The following TYW1B variants were observed in gnomAD, a reference collection of about 807,000 sequenced individuals.
The protein encoded by TYW1B is S-adenosyl-L-methionine-dependent tRNA 4-demethylwyosine synthase TYW1B.
Under a neutral mutation model 86.9 loss-of-function variants are expected in TYW1B, and 73 were observed. The ratio of observed to expected loss-of-function variants is 0.84; its 90% CI spans 0.70 to 1.02. The LOEUF is 1.02. TYW1B is among the 50% of genes least tolerant of loss of function. TYW1B has a pLI of 0.00. For synonymous variants in TYW1B, 248 were observed against 292.8 expected, an observed-to-expected ratio of 0.85 and a Z score of 1.56; for missense variants, 637 against 827.4, an observed-to-expected ratio of 0.77 and a Z score of 2.82.
chr7:72,753,501 G>A (rs1203489804), intron 7 of TYW1B, among the ~76,000 whole-genome samples: 3 of 109,164 alleles, frequency 2.7e-5, no homozygotes, highest in African/African-American at 1.2e-4. Context: ...TTTTTTTTGA[G>A]ACAGAATCTT....
intron 7 of TYW1B, among the ~76,000 whole-genome samples, chr7:72,767,566 C>T (rs570665768): frequency 6.6e-6 from 1 of 152,028 alleles, no homozygotes; most frequent in Non-Finnish European, 1.5e-5. Context: ...GCTGAGATCA[C>T]ACCACTGCAC....
chr7:72,782,479 G>GAT (rs2129572118), intron 6 of TYW1B, among the ~76,000 whole-genome samples: 1 of 151,432 alleles, frequency 6.6e-6, no homozygotes, highest in East Asian at 1.9e-4. Context: ...CAACAAACAA[G>GAT]CTTTTTCTTA....
intron 13 of TYW1B, among the ~76,000 whole-genome samples, chr7:72,592,155 T>C: frequency 8.5e-6 from 1 of 117,178 alleles, no homozygotes; most frequent in Admixed American, 9.8e-5. Context: ...AACACACTAA[T>C]GTGTTAAAAA....
At chr7:72,719,653 AG>A (rs1164821617) in intron 9 of TYW1B, among the ~76,000 whole-genome samples, 12 of 149,160 alleles carry the variant, frequency 8.0e-5, no homozygotes, top group African/African-American at 2.5e-4. Flanking sequence ...AAAAAAAAAA[AG>A]AAGGTGATAG....
intron 7 of TYW1B, among the ~76,000 whole-genome samples, chr7:72,745,475 T>A (rs1269767679): frequency 6.6e-6 from 1 of 152,088 alleles, no homozygotes; most frequent in Non-Finnish European, 1.5e-5. Context: ...ATGTAGTAAG[T>A]AGGTAATCTA....
At chr7:72,631,895 G>A (rs1281587771) in intron 11 of TYW1B, among the ~76,000 whole-genome samples, 10 of 152,144 alleles carry the variant, frequency 6.6e-5, no homozygotes, top group Non-Finnish European at 1.3e-4. Flanking sequence ...GTGGAATCTA[G>A]AACCAAGCCT....
At chr7:72,731,098 G>C (rs2129571067) in intron 8 of TYW1B, among the ~76,000 whole-genome samples, 1 of 127,492 alleles carries the variant, frequency 7.8e-6, no homozygotes, top group Non-Finnish European at 1.6e-5. Context: ...GGCCAGGAGA[G>C]AATGGGATGA....
intron 12 of TYW1B, among the ~76,000 whole-genome samples, chr7:72,627,404 C>T (rs1207667519): frequency 4.0e-5 from 6 of 151,836 alleles, no homozygotes; most frequent in African/African-American, 1.2e-4. Flanking sequence ...GCCGAGATCA[C>T]GCCACTGTAC....
At chr7:72,592,142 G>A (rs1177253394) in intron 13 of TYW1B, among the ~76,000 whole-genome samples, 1 of 105,302 alleles carries the variant, frequency 9.5e-6, no homozygotes, top group Non-Finnish European at 1.8e-5. Context: ...TGTTTTCTAT[G>A]TTAACACACT....
At chr7:72,625,899 G>GGC (rs1432032673) in intron 12 of TYW1B, among the ~76,000 whole-genome samples, 1 of 83,172 alleles carries the variant, frequency 1.2e-5, no homozygotes, top group African/African-American at 4.3e-5. Flanking sequence ...GGTGGGGCGG[G>GGC]GGGGGGGGAA....
intron 9 of TYW1B, among the ~76,000 whole-genome samples, chr7:72,727,489 C>T (rs1427365556): frequency 2.0e-5 from 3 of 152,078 alleles, no homozygotes; most frequent in Non-Finnish European, 4.4e-5. Flanking sequence ...AAAGCGTGGT[C>T]CCCAGTTGAA....
At chr7:72,752,853 T>A (rs1448519873) in intron 7 of TYW1B, among the ~76,000 whole-genome samples, 1 of 152,108 alleles carries the variant, frequency 6.6e-6, no homozygotes, top group South Asian at 2.1e-4. Context: ...AATTTAAAAA[T>A]AAGACACAGG....
intron 2 of TYW1B, among the ~76,000 whole-genome samples, chr7:72,817,704 C>T (rs1788750311): frequency 6.6e-6 from 1 of 152,068 alleles, no homozygotes; most frequent in African/African-American, 2.4e-5. Context: ...TGGGAAGGTA[C>T]ACTCTACAGA....
At chr7:72,705,175 C>A (rs1814583235) in intron 10 of TYW1B, among the ~76,000 whole-genome samples, 1 of 152,130 alleles carries the variant, frequency 6.6e-6, no homozygotes. Flanking sequence ...TTTCTGGAAC[C>A]ATTCTGAGCT....
chr7:72,590,997 C>A (rs1554431288), intron 13 of TYW1B, among the ~76,000 whole-genome samples: 1 of 151,674 alleles, frequency 6.6e-6, no homozygotes, highest in Non-Finnish European at 1.5e-5. Flanking sequence ...GCATAGAAAA[C>A]CTAAAAAGAA....
At chr7:72,715,167 G>A (rs1786754495) in intron 9 of TYW1B, among the ~76,000 whole-genome samples, 1 of 151,904 alleles carries the variant, frequency 6.6e-6, no homozygotes, top group Non-Finnish European at 1.5e-5. Context: ...TCTGGCGGAG[G>A]GGTGCAGGCA....
intron 13 of TYW1B, among the ~76,000 whole-genome samples, chr7:72,595,167 G>C (rs1256374259): frequency 6.6e-6 from 1 of 151,968 alleles, no homozygotes; most frequent in African/African-American, 2.4e-5. Flanking sequence ...AGAAATACAA[G>C]GTATCCAAAT....
At chr7:72,605,764 A>G (rs1468675066) in intron 13 of TYW1B, among the ~76,000 whole-genome samples, 1 of 152,236 alleles carries the variant, frequency 6.6e-6, no homozygotes, top group Non-Finnish European at 1.5e-5. Context: ...TGTAAGTGTC[A>G]GGAAATTCTT....
chr7:72,632,364 TACGC>T lies in TYW1B; in HGVS notation c.1507-3371_1507-3368del, dbSNP rs1554440003. ...ATATATATTATATATATTATATATATACGCATATATATTATATATATACGTATAT... is the reference window on the plus strand; with the variant it reads ...ATATATATTATATATATTATATATATATATATATTATATATATACGTATAT... On this transcript the variant is annotated intron_variant, in intron 11 of 13. Transcript: ENST00000620995. Among the ~76,000 whole-genome samples, 469 of 103,936 alleles carry T rather than the reference TACGC, an allele frequency of 4.5e-3. 9 individuals carry two copies. Among genetic ancestry groups the T allele is most frequent in the African/African-American group, 0.017 (339 of 20,516 alleles). The allele number at this position is 103,936 out of a possible 152,430, so 68.2% of individuals were successfully genotyped here. A position where few individuals can be genotyped will look rare whatever the true frequency, so the allele number is the denominator to read the frequency against.
Sources: allele counts gnomAD v4.1 joint callset (sites outside exome capture counted in the v4.1 genomes callset), GRCh38; gene constraint gnomAD v4.1.1; transcripts MANE v1.5; gene names NCBI Gene and HGNC (gene_info 2026-07-23, HGNC 2026-07-21).